Variants in USP14 observed in about 807,000 individuals in gnomAD.
The protein encoded by USP14 is ubiquitin specific peptidase 14.
In USP14, 38 loss-of-function variants were observed where a neutral mutation model predicts 76.5. The observed-to-expected ratio is 0.50, with a 90% CI of 0.38 to 0.65. USP14 has a LOEUF of 0.65. USP14 is among the 30% of genes least tolerant of loss of function. The pLI is 0.00. For missense variants in USP14, 467 were observed against 586.5 expected, an observed-to-expected ratio of 0.80 and a Z score of 2.10; for synonymous variants, 192 against 191.7, an observed-to-expected ratio of 1.00 and a Z score of -0.01.
At chr18:166,417 C>G (rs1159669517) in intron 2 of USP14, among the ~76,000 whole-genome samples, 1 of 151,688 alleles carries the variant, frequency 6.6e-6, no homozygotes, top group Non-Finnish European at 1.5e-5. Context: ...ACTGTAACCT[C>G]TGCCTCCTGG....
intron 13 of USP14, among the ~76,000 whole-genome samples, chr18:209,585 A>T (rs1197375690): frequency 6.6e-6 from 1 of 152,062 alleles, no homozygotes; most frequent in East Asian, 1.9e-4. Flanking sequence ...CTTGTTTTAG[A>T]GGTAGTTGTT....
chr18:185,058 G>A (rs1909889935), intron 5 of USP14, among the ~76,000 whole-genome samples: 1 of 152,146 alleles, frequency 6.6e-6, no homozygotes. Flanking sequence ...GTATCACATG[G>A]CCGTATCTGT....
chr18:178,836 AT>A (rs1280549743), intron 3 of USP14, 96 bp from the exon 4 acceptor site: 1 of 840,622 alleles, frequency 1.2e-6, no homozygotes, highest in African/African-American at 1.7e-5. Flanking sequence ...AAATAGAATT[AT>A]GTTATATGTG....
rs115784782 is a variant in USP14, at chr18:210,808, C to T, written c.1333+315C>T. Among the ~76,000 whole-genome samples the T allele has an allele frequency of 2.4e-3, 361 of 152,310 alleles. 3 individuals are homozygous for T. Among genetic ancestry groups the T allele is most frequent in the African/African-American group, 8.3e-3 (344 of 41,550 alleles). On this transcript the variant is annotated intron_variant, in intron 15 of 15. Coordinates refer to ENST00000261601, the MANE Select transcript of USP14 (RefSeq NM_005151.4). ...TCTGTTGTCTGGCTTAAATAGGAGG[C>T]AGCTGGGTTCTCCTGTTAGTGTTCG...
chr18:183,994 TC>T (rs945473131), intron 5 of USP14, among the ~76,000 whole-genome samples: 2 of 152,196 alleles, frequency 1.3e-5, no homozygotes, highest in Non-Finnish European at 2.9e-5. Context: ...ACTGTTTTCT[TC>T]TTGGATGCCT....
intron 14 of USP14, 167 bp downstream of exon 14, chr18:210,198 C>T (rs1910632931): frequency 7.2e-6 from 5 of 697,724 alleles, no homozygotes; most frequent in South Asian, 4.3e-5. Flanking sequence ...CATTGGCATA[C>T]AGTTCTATGA....
chr18:205,120 C>A (rs1046777657), intron 13 of USP14, among the ~76,000 whole-genome samples: 1 of 152,088 alleles, frequency 6.6e-6, no homozygotes, highest in African/African-American at 2.4e-5. Flanking sequence ...AGGCGATCTG[C>A]CCACCTAGGC....
At chr18:177,335 T>A (rs2144230407) in intron 3 of USP14, among the ~76,000 whole-genome samples, 1 of 150,380 alleles carries the variant, frequency 6.6e-6, no homozygotes, top group Non-Finnish European at 1.5e-5. Flanking sequence ...GATGGGGGGA[T>A]CACTTGAGGC....
chr18:168,993 C>T (rs976313982), intron 3 of USP14, among the ~76,000 whole-genome samples: 13 of 151,866 alleles, frequency 8.6e-5, no homozygotes, highest in African/African-American at 2.4e-4. Flanking sequence ...AGGAGAATGG[C>T]ATGAGCCTGG....
At chr18:171,962 C>A (rs968862047) in intron 3 of USP14, among the ~76,000 whole-genome samples, 4 of 152,082 alleles carry the variant, frequency 2.6e-5, no homozygotes, top group Non-Finnish European at 4.4e-5. Flanking sequence ...TAGAAGTGGC[C>A]AGGCATGGTG....
chr18:211,235 T>C lies in USP14; in HGVS notation c.1436T>C (p.Leu479Pro), dbSNP rs1386551640. Residue 479 changes from leucine to proline, a missense_variant, in exon 16 of 16, where the codon CTC becomes CCC. By Grantham distance (98) the Leu-to-Pro change is moderately conservative. Coordinates refer to ENST00000261601, the MANE Select transcript of USP14 (RefSeq NM_005151.4). ...GACTGGCATATCGCTTACGTTCTAC[T>C]CTATGGGCCTCGCAGAGTTGAAATA... is the stretch of plus-strand genomic sequence containing the variant. ...GGDWHIAYVLLYGPRRVEIME... is the reference protein window; with the variant it reads ...GGDWHIAYVLPYGPRRVEIME... 6.2e-7 allele frequency: 1 copy of C among 1,613,772 alleles called. No homozygotes were observed. Among genetic ancestry groups the C allele is most frequent in the African/African-American group, 1.3e-5 (1 of 74,942 alleles).
At chr18:199,128 G>T (rs1910319288) in intron 9 of USP14, 74 bp from the exon 10 acceptor site, 1 of 893,104 alleles carries the variant, frequency 1.1e-6, no homozygotes, top group African/African-American at 1.7e-5. Context: ...ATGGAATTAG[G>T]ATAATGTATT....
At chr18:197,381 A>G (rs1910266050) in intron 7 of USP14, among the ~76,000 whole-genome samples, 1 of 152,124 alleles carries the variant, frequency 6.6e-6, no homozygotes, top group Non-Finnish European at 1.5e-5. Flanking sequence ...ATTCACTGCT[A>G]TTATGCTGAG....
chr18:174,061 T>G (rs1207082267), intron 3 of USP14, among the ~76,000 whole-genome samples: 1 of 152,106 alleles, frequency 6.6e-6, no homozygotes, highest in African/African-American at 2.4e-5. Flanking sequence ...TATTGCACAT[T>G]TTTAGATTCT....
chr18:209,829 CATTTT>C (rs1484354604), intron 13 of USP14, 137 bp from the exon 14 acceptor site: 2 of 601,796 alleles, frequency 3.3e-6, no homozygotes, highest in East Asian at 6.0e-5. Flanking sequence ...GTGGTTATAT[CATTTT>C]AGTAATTTGG....
At chr18:201,775 A>G (rs981052434) in intron 10 of USP14, among the ~76,000 whole-genome samples, 1 of 152,220 alleles carries the variant, frequency 6.6e-6, no homozygotes, top group African/African-American at 2.4e-5. Flanking sequence ...AAAACCGAAC[A>G]TACCCAGAAG....
In USP14 at chr18:189,969, A is replaced by G. The variant is rs1598273868; in HGVS notation, c.405-2873A>G. On this transcript the variant is annotated intron_variant, in intron 5 of 15. Transcript: ENST00000261601. ...TTATGTTTCCCAAATTGGAAATACT[A>G]TCCTGACTTCTAATCTCATAGATCA... is the stretch of plus-strand genomic sequence containing the variant. Among the ~76,000 whole-genome samples, 2 of 152,176 alleles carry G rather than the reference A, an allele frequency of 1.3e-5. 1 individual carries two copies. The highest frequency in any genetic ancestry group is 4.1e-4 in the South Asian group (2 of 4,822).
chr18:185,276 A>G (rs1909897574), intron 5 of USP14, among the ~76,000 whole-genome samples: 1 of 152,024 alleles, frequency 6.6e-6, no homozygotes, highest in Non-Finnish European at 1.5e-5. Context: ...CTTCTGTCTC[A>G]GCCTCCCAAG....
Position 186,809 on chromosome 18 carries a change from A to G in USP14, c.405-6033A>G, listed in dbSNP as rs111712007. Among the ~76,000 whole-genome samples, 192 of 152,192 alleles carry G rather than the reference A, an allele frequency of 1.3e-3. 1 individual carries two copies. The highest frequency in any genetic ancestry group is 4.2e-3 in the African/African-American group (176 of 41,516). On this transcript the variant is annotated intron_variant, in intron 5 of 15. Coordinates refer to ENST00000261601, the MANE Select transcript of USP14 (RefSeq NM_005151.4). ...TTATATTTGGGTTTTTTCTTTAAAC[A>G]TATGTGTAGCAGTGTATGTGTTTTT...
Sources: gnomAD v4.1 joint callset for allele counts (sites outside exome capture counted in the v4.1 genomes callset) on GRCh38, gnomAD v4.1.1 for gene constraint, MANE v1.5 for transcripts, NCBI Gene and HGNC (gene_info 2026-07-23, HGNC 2026-07-21) for gene names.